Variants in JMJD1C observed in about 807,000 individuals in gnomAD.
The protein encoded by JMJD1C is jumonji domain containing 1C, also known as jumonji domain-containing protein 1C.
In JMJD1C, 31 loss-of-function variants were observed where a neutral mutation model predicts 245.3. The observed-to-expected ratio is 0.13, with a 90% CI of 0.09 to 0.17. The LOEUF (loss-of-function observed/expected upper bound fraction) is 0.17. Among genes scored for constraint, JMJD1C ranks in the 10% least tolerant of loss-of-function variants. JMJD1C has a pLI of 1.00. For missense variants in JMJD1C, 2,691 were observed against 3,000.2 expected (o/e 0.90, Z 2.41); for synonymous variants, 1,057 against 1,017.4 (o/e 1.04, Z -0.74).
chr10:63,427,393 CAT>C lies in JMJD1C; in HGVS notation c.168+38100_168+38101del, dbSNP rs545979906. 108 of 1,098,382 alleles carry C rather than the reference CAT, an allele frequency of 9.8e-5. No homozygotes were observed. In the African/African-American group the frequency reaches 1.4e-3, roughly 14 times the overall value. The allele number at this position is 1,098,382 out of a possible 1,614,324, so 68.0% of individuals were successfully genotyped here. On this transcript the variant is annotated intron_variant, in intron 1 of 25. Coordinates refer to ENST00000399262, the MANE Select transcript of JMJD1C (RefSeq NM_032776.3). ...TCAGTACCCAAATCCCTATAGCAAA[CAT>C]GTCTTGACGGAAGACACAGTACACC...
intron 3 of JMJD1C, among the ~76,000 whole-genome samples, chr10:63,247,465 G>T (rs1268731278): frequency 6.6e-6 from 1 of 151,982 alleles, no homozygotes; most frequent in African/African-American, 2.4e-5. Flanking sequence ...TCCCAGCCAG[G>T]CATGGTGGCT....
chr10:63,473,004 C>T (rs982264862), intron 1 of JMJD1C, among the ~76,000 whole-genome samples: 5 of 151,780 alleles, frequency 3.3e-5, no homozygotes, highest in African/African-American at 4.8e-5. Flanking sequence ...AGGATGGTCT[C>T]GATCTCTTGA....
chr10:63,189,472 A>G (rs1326811561), intron 17 of JMJD1C, 26 bp from the exon 18 acceptor site: 2 of 1,567,888 alleles, frequency 1.3e-6, no homozygotes, highest in East Asian at 4.5e-5. Flanking sequence ...CAAAACAAAA[A>G]AAACCTGTTT....
intron 1 of JMJD1C, among the ~76,000 whole-genome samples, chr10:63,391,668 G>A (rs1005070752): frequency 1.1e-4 from 17 of 152,150 alleles, no homozygotes; most frequent in Middle Eastern, 6.8e-3. Flanking sequence ...CAAATAGAAA[G>A]ACATCCCATG....
intron 1 of JMJD1C, among the ~76,000 whole-genome samples, chr10:63,389,327 A>G (rs1162155181): frequency 1.3e-4 from 19 of 148,544 alleles, no homozygotes; most frequent in African/African-American, 4.2e-4. Context: ...AAAAAAAAAA[A>G]AGAAAAAGAA....
chr10:63,250,965 A>C (rs1852988653), intron 3 of JMJD1C, among the ~76,000 whole-genome samples: 1 of 151,996 alleles, frequency 6.6e-6, no homozygotes, highest in Non-Finnish European at 1.5e-5. Context: ...CTAATATCAA[A>C]CTCCTAGCCT....
At chr10:63,173,335 A>C (rs1453319388) in intron 24 of JMJD1C, among the ~76,000 whole-genome samples, 1 of 152,202 alleles carries the variant, frequency 6.6e-6, no homozygotes, top group Non-Finnish European at 1.5e-5. Context: ...AATGAGGAGA[A>C]AATCTGAGTG....
chr10:63,226,714 CAA>C (rs35375607), intron 3 of JMJD1C, among the ~76,000 whole-genome samples: 27 of 84,930 alleles, frequency 3.2e-4, no homozygotes, highest in East Asian at 1.1e-3. Context: ...AACCCTGTTT[CAA>C]AAAAAAAAAA....
chr10:63,393,375 A>C (rs780677981), intron 1 of JMJD1C, among the ~76,000 whole-genome samples: 21 of 152,236 alleles, frequency 1.4e-4, no homozygotes, highest in Non-Finnish European at 2.1e-4. Context: ...ACTATTAAAA[A>C]GACAAAAAAT....
At chr10:63,505,881 G>A (rs1254197090) in intron 1 of JMJD1C, among the ~76,000 whole-genome samples, 1 of 140,948 alleles carries the variant, frequency 7.1e-6, no homozygotes, top group Non-Finnish European at 1.5e-5. Context: ...AGTCTTACAG[G>A]TGGGATTCAG....
At chr10:63,406,972 A>C (rs745822952) in intron 1 of JMJD1C, among the ~76,000 whole-genome samples, 8 of 152,172 alleles carry the variant, frequency 5.3e-5, no homozygotes, top group Non-Finnish European at 1.0e-4. Flanking sequence ...TTAAAATAAC[A>C]GCAAAACCAG....
intron 2 of JMJD1C, among the ~76,000 whole-genome samples, chr10:63,346,702 C>T (rs866459035): frequency 6.6e-6 from 1 of 152,078 alleles, no homozygotes; most frequent in African/African-American, 2.4e-5. Flanking sequence ...TAAGGGCTAC[C>T]CAATTTGTGA....
intron 2 of JMJD1C, among the ~76,000 whole-genome samples, chr10:63,305,003 G>T (rs1323360122): frequency 6.6e-6 from 1 of 152,080 alleles, no homozygotes; most frequent in Non-Finnish European, 1.5e-5. Flanking sequence ...ACCAGGCATG[G>T]TGCCATGTGC....
intron 2 of JMJD1C, among the ~76,000 whole-genome samples, chr10:63,357,836 C>G (rs924065424): frequency 8.0e-4 from 113 of 141,190 alleles, no homozygotes; most frequent in African/African-American, 2.5e-3. Context: ...GACACACACA[C>G]ACACACACAC....
At chr10:63,490,798 G>A (rs1364084814) in intron 1 of JMJD1C, among the ~76,000 whole-genome samples, 3 of 152,140 alleles carry the variant, frequency 2.0e-5, no homozygotes, top group Admixed American at 2.0e-4. Flanking sequence ...AAGAAGGGCA[G>A]GAACTTTGTT....
In JMJD1C at chr10:63,208,184, T is replaced by C. The variant is rs753564045; in HGVS notation, c.3485A>G (p.Lys1162Arg). The C allele has an allele frequency of 3.7e-6, 6 of 1,613,480 alleles. No homozygotes were observed. In the South Asian group the frequency reaches 6.6e-5, roughly 18 times the overall value. The change falls in exon 10 of 26, where the codon AAG (lysine) becomes AGG (arginine). Residue 1162 changes from lysine to arginine, a missense_variant. By Grantham distance (26) the Lys-to-Arg change is conservative. Around this residue, in one of 9 missense-constraint regions of JMJD1C, gnomAD observed 1,562 missense variants for 1,490.7 expected, o/e 1.05. Coordinates refer to ENST00000399262, the MANE Select transcript of JMJD1C (RefSeq NM_032776.3). ...HQPESEGLVG[K>R]IPEHLPHQIA... ...CTGATGTGGAAGATGTTCTGGTATC[T>C]TGCCTACTAAACCTTCACTTTCTGG...
intron 2 of JMJD1C, among the ~76,000 whole-genome samples, chr10:63,282,823 T>C (rs1328218715): frequency 6.6e-6 from 1 of 152,146 alleles, no homozygotes; most frequent in Non-Finnish European, 1.5e-5. Context: ...TTCAAGTGAT[T>C]CTCCTGCCTC....
At chr10:63,266,365 AATTACATAAAATCCTATAGG>A (rs1034423666) in intron 2 of JMJD1C, among the ~76,000 whole-genome samples, 8 of 152,136 alleles carry the variant, frequency 5.3e-5, no homozygotes, top group African/African-American at 1.9e-4. Context: ...AACACTTTTC[AATTACATAAAATCCTATAGG>A]ATTTCATAAA....
At chr10:63,505,214 G>A (rs903462938) in intron 1 of JMJD1C, among the ~76,000 whole-genome samples, 3 of 151,746 alleles carry the variant, frequency 2.0e-5, no homozygotes, top group Admixed American at 6.6e-5. Context: ...CTACTAAGGA[G>A]GCTGAGGCAG....
Sources: gnomAD v4.1 joint callset for allele counts (sites outside exome capture counted in the v4.1 genomes callset) on GRCh38, gnomAD v4.1.1 for gene constraint, gnomAD v4.1.1 regional missense constraint, MANE v1.5 for transcripts, NCBI Gene and HGNC (gene_info 2026-07-23, HGNC 2026-07-21) for gene names.